SPAG16: variants seen among roughly 807,000 people sequenced by gnomAD.
SPAG16 encodes the protein sperm-associated antigen 16 protein.
In SPAG16, 86 loss-of-function variants were observed where a neutral mutation model predicts 80.4. The observed-to-expected ratio is 1.07, with a 90% confidence interval of 0.90 to 1.28. SPAG16 has a LOEUF of 1.28. Among genes scored for constraint, SPAG16 ranks in the 50% most tolerant of loss-of-function variants. The pLI, the probability that SPAG16 is intolerant of heterozygous loss-of-function variation, is 0.00. For synonymous variants in SPAG16, 294 were observed against 265.9 expected, an observed-to-expected ratio of 1.11 and a Z score of -1.03; for missense variants, 870 against 765.3, an observed-to-expected ratio of 1.14 and a Z score of -1.61.
At chr2:213,611,899 C>A (rs1298917575) in intron 10 of SPAG16, among the ~76,000 whole-genome samples, 6 of 152,062 alleles carry the variant, frequency 3.9e-5, no homozygotes, top group Admixed American at 6.5e-5. Context: ...CAGAAAGTTA[C>A]CCATTTGTAA....
At chr2:214,092,484 T>C (rs368423932) in intron 13 of SPAG16, among the ~76,000 whole-genome samples, 1 of 148,788 alleles carries the variant, frequency 6.7e-6, no homozygotes, top group East Asian at 2.0e-4. Context: ...CCTTTGTCTG[T>C]GTTACTATGA....
At chr2:213,486,130 TAG>T (rs1201128449) in intron 9 of SPAG16, among the ~76,000 whole-genome samples, 3 of 152,238 alleles carry the variant, frequency 2.0e-5, no homozygotes, top group African/African-American at 7.2e-5. Context: ...TATTGTAAAC[TAG>T]AGTCACCCTA....
At chr2:214,108,479 A>ACACAGC (rs71409874) in intron 14 of SPAG16, among the ~76,000 whole-genome samples, 1 of 52,374 alleles carries the variant, frequency 1.9e-5, no homozygotes, top group Admixed American at 1.5e-4. Flanking sequence ...ACACACACAC[A>ACACAGC]CCCCCACACA....
At chr2:213,292,508 C>G (rs2062319256) in intron 1 of SPAG16, among the ~76,000 whole-genome samples, 1 of 150,502 alleles carries the variant, frequency 6.6e-6, no homozygotes, top group Admixed American at 6.6e-5. Context: ...ACTAAAAATA[C>G]AAAAAATTAG....
chr2:214,085,398 G>T (rs1025060941), intron 13 of SPAG16, among the ~76,000 whole-genome samples: 35 of 148,668 alleles, frequency 2.4e-4, no homozygotes, highest in Non-Finnish European at 4.5e-5. Flanking sequence ...AAAAAAGAAA[G>T]AAAGAAAGAA....
intron 13 of SPAG16, among the ~76,000 whole-genome samples, chr2:214,107,828 G>T (rs1021822585): frequency 6.6e-6 from 1 of 152,194 alleles, no homozygotes; most frequent in Non-Finnish European, 1.5e-5. Flanking sequence ...AGCAGCAGTA[G>T]ATATGCTGTG....
intron 10 of SPAG16, among the ~76,000 whole-genome samples, chr2:213,546,958 T>G (rs552731141): frequency 6.6e-6 from 1 of 152,194 alleles, no homozygotes; most frequent in South Asian, 2.1e-4. Flanking sequence ...AATGCAGTTA[T>G]ATTCCTTTGT....
intron 11 of SPAG16, among the ~76,000 whole-genome samples, chr2:213,904,896 T>G (rs1329466326): frequency 1.3e-5 from 2 of 152,160 alleles, no homozygotes; most frequent in Non-Finnish European, 2.9e-5. Context: ...GTTAGGGTCT[T>G]GTTGTTAGGG....
chr2:214,398,630 T>C (rs529093960), intron 15 of SPAG16, among the ~76,000 whole-genome samples: 1 of 152,374 alleles, frequency 6.6e-6, no homozygotes, highest in African/African-American at 2.4e-5. Flanking sequence ...TTAAATTTTC[T>C]ATGAGATATA....
At chr2:213,336,064 G>A (rs920899512) in intron 5 of SPAG16, among the ~76,000 whole-genome samples, 5 of 152,066 alleles carry the variant, frequency 3.3e-5, no homozygotes, top group East Asian at 1.9e-4. Context: ...GAAGAGCATC[G>A]AGGGCCCACC....
rs1459874589 is a variant in SPAG16 at position 214,013,821 on chromosome 2, ATGT to A, written c.1401-125_1401-123del. The A allele has an allele frequency of 1.3e-5, 11 of 849,958 alleles. No individual in the cohort carries two copies. In the East Asian group the frequency reaches 2.1e-4, roughly 16 times the overall value. The allele number at this position is 849,958 out of a possible 1,614,324, so 52.7% of individuals were successfully genotyped here. On this transcript the variant is annotated intron_variant, in intron 12 of 15. Coordinates refer to ENST00000331683, the MANE Select transcript of SPAG16 (RefSeq NM_024532.5). ...GTAGCTATAGAATTTTACTTTTAAA[ATGT>A]TGTTATTGTAAAATTTTTGCCATTA...
intron 10 of SPAG16, among the ~76,000 whole-genome samples, chr2:213,792,481 T>C (rs1287693669): frequency 6.6e-6 from 1 of 152,152 alleles, no homozygotes; most frequent in East Asian, 1.9e-4. Flanking sequence ...GAAATGACTA[T>C]TGTAAACATG....
intron 5 of SPAG16, among the ~76,000 whole-genome samples, chr2:213,336,002 G>A (rs1393801400): frequency 6.6e-6 from 1 of 152,008 alleles, no homozygotes; most frequent in East Asian, 1.9e-4. Flanking sequence ...GAGGTACCAA[G>A]CTTTTCTCAT....
At chr2:213,650,565 A>G (rs1218916572) in intron 10 of SPAG16, among the ~76,000 whole-genome samples, 1 of 152,210 alleles carries the variant, frequency 6.6e-6, no homozygotes, top group African/African-American at 2.4e-5. Context: ...TACTTGTTAT[A>G]TGTGTGTGCA....
At chr2:214,298,841 G>A (rs1051764998) in intron 15 of SPAG16, among the ~76,000 whole-genome samples, 6 of 151,968 alleles carry the variant, frequency 3.9e-5, no homozygotes, top group African/African-American at 1.5e-4. Context: ...TTTTTTCTTG[G>A]CAAGGGGCAT....
chr2:213,767,089 G>A (rs1420191172), intron 10 of SPAG16, among the ~76,000 whole-genome samples: 2 of 152,126 alleles, frequency 1.3e-5, no homozygotes, highest in Non-Finnish European at 2.9e-5. Context: ...TCACTGATTG[G>A]ATTACCATGT....
At chr2:214,185,121 A>G (rs543220447) in intron 15 of SPAG16, among the ~76,000 whole-genome samples, 1 of 152,102 alleles carries the variant, frequency 6.6e-6, no homozygotes, top group Admixed American at 6.6e-5. Flanking sequence ...GCTTATTTGC[A>G]GAGGCTGAAA....
At chr2:214,398,632 T>G (rs952637251) in intron 15 of SPAG16, among the ~76,000 whole-genome samples, 1 of 152,236 alleles carries the variant, frequency 6.6e-6, no homozygotes, top group African/African-American at 2.4e-5. Context: ...AAATTTTCTA[T>G]GAGATATAAA....
chr2:214,133,157 G>A (rs145191979), intron 14 of SPAG16, among the ~76,000 whole-genome samples: 3,480 of 151,238 alleles, frequency 0.023, 96 homozygotes, highest in South Asian at 0.13. Context: ...TTAGCATAGA[G>A]CAAGGTTTGG....
Sources: gnomAD v4.1 joint callset for allele counts (sites outside exome capture counted in the v4.1 genomes callset) on GRCh38, gnomAD v4.1.1 for gene constraint, MANE v1.5 for transcripts, NCBI Gene and HGNC (gene_info 2026-07-23, HGNC 2026-07-21) for gene names.